Variants in UGT2B4 observed in about 807,000 individuals in gnomAD.
UGT2B4 encodes the protein UDP-glucuronosyltransferase 2B4.
UGT2B4 carries 49 observed loss-of-function variants against 49.8 expected under a neutral mutation model. That is an observed-to-expected ratio of 0.98 (90% CI 0.78 to 1.25). The LOEUF is 1.25. Ranked by LOEUF, UGT2B4 falls within the 50% of genes most tolerant of loss-of-function variation. The pLI is 0.00. For missense variants in UGT2B4, 729 were observed against 627.7 expected (o/e 1.16, Z -1.73); for synonymous variants, 246 against 217.7 (o/e 1.13, Z -1.14).
At chr4:69,488,555 T>C (rs41297405) in intron 3 of UGT2B4, among the ~76,000 whole-genome samples, 2,971 of 152,242 alleles carry the variant, frequency 0.02, 57 homozygotes, top group Non-Finnish European at 0.029. Flanking sequence ...CATTTTATTC[T>C]ATATAAAAGA....
At chr4:69,513,750 A>G (rs1728664710) in intron 1 of UGT2B4, among the ~76,000 whole-genome samples, 1 of 151,962 alleles carries the variant, frequency 6.6e-6, no homozygotes, top group Admixed American at 6.6e-5. Flanking sequence ...GATTTATTTG[A>G]AGCAGTGGTT....
At chr4:69,522,529 A>G (rs1728872547) in intron 1 of UGT2B4, among the ~76,000 whole-genome samples, 1 of 152,212 alleles carries the variant, frequency 6.6e-6, no homozygotes, top group African/African-American at 2.4e-5. Flanking sequence ...TAACATATCT[A>G]AAAAATAATG....
Position 69,480,487 on chromosome 4 carries a change from TAAA to T in UGT2B4, c.*144_*146del. 1 of 1,315,222 alleles carries T rather than the reference TAAA, an allele frequency of 7.6e-7. No individual in the cohort carries two copies. Among genetic ancestry groups the T allele is most frequent in the Non-Finnish European group, 1.0e-6 (1 of 972,224 alleles). The allele number at this position is 1,315,222 out of a possible 1,614,324, so 81.5% of individuals were successfully genotyped here. A position where few individuals can be genotyped will look rare whatever the true frequency, so the allele number is the denominator to read the frequency against. ...ATATTTCTAATGGTTAAACAGGTACTAAAACAAATTTTGACTTGACAAGGTAAG... is the reference window on the plus strand; with the variant it reads ...ATATTTCTAATGGTTAAACAGGTACTACAAATTTTGACTTGACAAGGTAAG... On this transcript the variant is annotated 3_prime_UTR_variant, in exon 6 of 6. Transcript: ENST00000305107.
rs1728882937 is a variant in UGT2B4 at position 69,523,074 on chromosome 4, C to A, written c.-106+2613G>T. Among the ~76,000 whole-genome samples the A allele has an allele frequency of 1.3e-5, 2 of 152,166 alleles. 1 individual carries two copies. Among genetic ancestry groups the A allele is most frequent in the South Asian group, 4.1e-4 (2 of 4,832 alleles). On this transcript the variant is annotated intron_variant, in intron 1 of 1. Transcript: ENST00000510114. ...TAGTACTTTTGCTATTTTCACCACA[C>A]CTGCAGTTGTTTCTTTAACTGAAGT...
intron 1 of UGT2B4, among the ~76,000 whole-genome samples, chr4:69,502,139 T>TTCTTTCTA (rs1553896693): frequency 7.1e-4 from 97 of 137,484 alleles, no homozygotes; most frequent in Admixed American, 7.6e-4. Flanking sequence ...CTTTCTTTCT[T>TTCTTTCTA]TCTTTCTTTC....
chr4:69,481,034 C>G (rs1577876968), intron 5 of UGT2B4, 124 bp from the exon 6 acceptor site: 1 of 828,912 alleles, frequency 1.2e-6, no homozygotes, highest in Non-Finnish European at 1.7e-6. Context: ...GTCAGGAGAT[C>G]AAGACCATCC....
chr4:69,486,207 G>T (rs779098444), intron 4 of UGT2B4, among the ~76,000 whole-genome samples: 1 of 152,118 alleles, frequency 6.6e-6, no homozygotes, highest in Non-Finnish European at 1.5e-5. Context: ...ATTAAGATTA[G>T]GGATTTAATC....
chr4:69,522,939 A>G (rs1239690781), intron 1 of UGT2B4, among the ~76,000 whole-genome samples: 2 of 152,214 alleles, frequency 1.3e-5, no homozygotes, highest in African/African-American at 4.8e-5. Flanking sequence ...AGCAAATTTT[A>G]TCTCAGGAAA....
chr4:69,495,831 G>A lies in UGT2B4; in HGVS notation c.31C>T (p.Leu11=). 6.2e-7 allele frequency: 1 copy of A among 1,604,096 alleles called. No individual in the cohort carries two copies. The highest frequency in any genetic ancestry group is 8.5e-7 in the Non-Finnish European group (1 of 1,176,918). The change falls in exon 1 of 6, where the codon CTG becomes TTG. Residue 11 remains leucine (L), a synonymous_variant. Transcript: ENST00000305107. MSMKWTSALL[L]IQLSCYFSSG... is the part of the protein sequence containing the mutation. ...CTAAAGTAACAGCTCAGCTGTATCA[G>A]CAGAAGAGCTGAAGTCCATTTCATA...
intron 1 of UGT2B4, among the ~76,000 whole-genome samples, chr4:69,519,680 C>A (rs544786383): frequency 6.6e-6 from 1 of 152,146 alleles, no homozygotes; most frequent in South Asian, 2.1e-4. Context: ...TCTTTGGGTG[C>A]ACCAAGATCT....
chr4:69,520,319 A>G lies in UGT2B4; in HGVS notation c.-106+5368T>C, dbSNP rs560595375. On this transcript the variant is annotated intron_variant, in intron 1 of 1. Coordinates refer to the UGT2B4 transcript ENST00000510114. ...GATGACAGCTCTCAGCCCGTACGAC[A>G]CAGCCACTGCTGGAGTTGGGAAGTA... 2.0e-5 allele frequency among the ~76,000 whole-genome samples: 3 copies of G among 152,374 alleles called. No homozygotes were observed. In the South Asian group the frequency reaches 6.2e-4, roughly 32 times the overall value.
At chr4:69,507,709 CA>C (rs1486010225) in intron 1 of UGT2B4, among the ~76,000 whole-genome samples, 1 of 152,112 alleles carries the variant, frequency 6.6e-6, no homozygotes, top group Non-Finnish European at 1.5e-5. Context: ...AAAATCAACT[CA>C]AGATGGATTA....
intron 1 of UGT2B4, among the ~76,000 whole-genome samples, chr4:69,524,133 C>T (rs1046163883): frequency 9.2e-6 from 1 of 108,980 alleles, no homozygotes; most frequent in African/African-American, 3.4e-5. Flanking sequence ...TAACTTCTTG[C>T]CATTTGTACA....
intron 1 of UGT2B4, among the ~76,000 whole-genome samples, chr4:69,514,435 T>C (rs1439531830): frequency 6.6e-6 from 1 of 152,184 alleles, no homozygotes; most frequent in Non-Finnish European, 1.5e-5. Context: ...TCTCTTCCTA[T>C]TGGAATACCT....
chr4:69,485,187 T>TA lies in UGT2B4; in HGVS notation c.1310+20dup, dbSNP rs41297433. 4.9e-5 allele frequency: 78 copies of TA among 1,603,438 alleles called. No homozygotes were observed. The East Asian group carries it at 1.0e-3, about 21-fold the overall frequency. On this transcript the variant is annotated intron_variant, in intron 5 of 5. Coordinates refer to ENST00000305107, the MANE Select transcript of UGT2B4 (RefSeq NM_021139.3). The stretch of plus-strand genomic sequence containing the variant: ...GAACCTATCTATAAAGACCACCGAG[T>TA]AAAAAAAAAGTTATACTCACAAAGG...
chr4:69,519,420 A>G (rs1218937475), intron 1 of UGT2B4, among the ~76,000 whole-genome samples: 1 of 152,174 alleles, frequency 6.6e-6, no homozygotes, highest in African/African-American at 2.4e-5. Flanking sequence ...AAAAAAATAT[A>G]GAAAACTCAG....
chr4:69,484,320 G>A (rs1039216216), intron 5 of UGT2B4, among the ~76,000 whole-genome samples: 40 of 151,984 alleles, frequency 2.6e-4, no homozygotes, highest in Non-Finnish European at 4.4e-4. Flanking sequence ...ATGAAATCAC[G>A]TTCATGCAAA....
chr4:69,525,453 T>C (rs1728958379), intron 1 of UGT2B4, among the ~76,000 whole-genome samples: 1 of 152,186 alleles, frequency 6.6e-6, no homozygotes, highest in Non-Finnish European at 1.5e-5. Context: ...ATACCAAACA[T>C]GAATGGCATG....
At chr4:69,483,216 C>T (rs918723875) in intron 5 of UGT2B4, among the ~76,000 whole-genome samples, 2 of 151,878 alleles carry the variant, frequency 1.3e-5, no homozygotes, top group Non-Finnish European at 2.9e-5. Context: ...CTCACATTCA[C>T]TATGGCTGGA....
Sources: gnomAD v4.1 joint callset for allele counts (sites outside exome capture counted in the v4.1 genomes callset) on GRCh38, gnomAD v4.1.1 for gene constraint, MANE v1.5 for transcripts, NCBI Gene and HGNC (gene_info 2026-07-23, HGNC 2026-07-21) for gene names.